Variants in CHODL observed in about 807,000 individuals in gnomAD.
CHODL encodes chondrolectin, also known as transmembrane protein MT75.
A neutral mutation model predicts 34.5 loss-of-function variants in CHODL; 29 were observed. The ratio of observed to expected loss-of-function variants is 0.84; its 90% confidence interval spans 0.63 to 1.15. The LOEUF is 1.15. Ranked by LOEUF, CHODL falls within the 50% of genes most tolerant of loss-of-function variation. The pLI is 0.00. For synonymous variants in CHODL, 125 were observed against 116.1 expected, an observed-to-expected ratio of 1.08 and a Z score of -0.49; for missense variants, 332 against 332.5, an observed-to-expected ratio of 1.00 and a Z score of 0.01.
intron 2 of CHODL, among the ~76,000 whole-genome samples, chr21:18,180,558 G>A (rs908341393): frequency 7.2e-5 from 11 of 152,146 alleles, no homozygotes; most frequent in African/African-American, 2.4e-4. Context: ...ATCTTCTTAC[G>A]GTACATTATT....
intron 2 of CHODL, among the ~76,000 whole-genome samples, chr21:18,174,424 T>C (rs1381183356): frequency 6.6e-6 from 1 of 152,026 alleles, no homozygotes; most frequent in Admixed American, 6.6e-5. Flanking sequence ...ATGAAATTTT[T>C]ATGACATCAA....
chr21:17,937,462 G>C (rs770146700), intron 1 of CHODL, among the ~76,000 whole-genome samples: 2 of 152,232 alleles, frequency 1.3e-5, no homozygotes, highest in Non-Finnish European at 2.9e-5. Context: ...GGCAGAGAAA[G>C]CTCACGTTGA....
intron 2 of CHODL, among the ~76,000 whole-genome samples, chr21:18,052,238 A>G (rs1468870450): frequency 6.6e-6 from 1 of 151,844 alleles, no homozygotes; most frequent in Non-Finnish European, 1.5e-5. Flanking sequence ...ATACATCTGA[A>G]TTTTTTTTAA....
At chr21:18,131,209 T>C (rs2072650762) in intron 2 of CHODL, among the ~76,000 whole-genome samples, 1 of 152,038 alleles carries the variant, frequency 6.6e-6, no homozygotes. Context: ...TATAAGTGCC[T>C]TTATAAGGGA....
chr21:18,005,352 TAAGTGCTATAA>T (rs1332187849), intron 1 of CHODL, among the ~76,000 whole-genome samples: 1 of 152,274 alleles, frequency 6.6e-6, no homozygotes, highest in Non-Finnish European at 1.5e-5. Flanking sequence ...TGGCACATAG[TAAGTGCTATAA>T]AAGTGTTTGC....
chr21:18,044,438 A>AT (rs200299346), intron 2 of CHODL, among the ~76,000 whole-genome samples: 2,005 of 152,000 alleles, frequency 0.013, 38 homozygotes, highest in African/African-American at 0.046. Flanking sequence ...AAAAATCTTT[A>AT]TTTTTTTAAC....
chr21:18,001,056 AG>A (rs1174120514), intron 1 of CHODL, among the ~76,000 whole-genome samples: 1 of 152,224 alleles, frequency 6.6e-6, no homozygotes, highest in Non-Finnish European at 1.5e-5. Context: ...CTCAGAGTCC[AG>A]GATAGGCCAG....
intron 1 of CHODL, among the ~76,000 whole-genome samples, chr21:18,251,618 A>G (rs1193986230): frequency 8.0e-6 from 1 of 125,208 alleles, no homozygotes; most frequent in East Asian, 2.2e-4. Flanking sequence ...TAATATATAA[A>G]ATATTTATTT....
intron 1 of CHODL, among the ~76,000 whole-genome samples, chr21:17,997,461 T>C (rs1350171963): frequency 1.4e-4 from 22 of 152,200 alleles, no homozygotes; most frequent in Admixed American, 1.4e-3. Flanking sequence ...TTGGCAGATA[T>C]TGGAAAATGA....
At chr21:18,229,511 C>T (rs2073960154) in intron 2 of CHODL, among the ~76,000 whole-genome samples, 1 of 149,072 alleles carries the variant, frequency 6.7e-6, no homozygotes, top group East Asian at 1.9e-4. Context: ...AATGTGTAAG[C>T]ATGTTTAAAG....
At chr21:18,079,844 C>CACAATAGCAAAATAATAGAATTTA (rs2064919090) in intron 2 of CHODL, among the ~76,000 whole-genome samples, 1 of 151,734 alleles carries the variant, frequency 6.6e-6, no homozygotes, top group Non-Finnish European at 1.5e-5. Context: ...TTGCTATAAT[C>CACAATAGCAAAATAATAGAATTTA]CTACACAGTA....
intron 1 of CHODL, among the ~76,000 whole-genome samples, chr21:18,015,555 G>T (rs1277893245): frequency 1.3e-5 from 2 of 152,106 alleles, no homozygotes; most frequent in Admixed American, 1.3e-4. Flanking sequence ...CTGAAAATGG[G>T]GAAGTGACCT....
intron 5 of CHODL, among the ~76,000 whole-genome samples, chr21:18,263,405 C>A (rs781294215): frequency 3.9e-5 from 6 of 152,034 alleles, no homozygotes; most frequent in African/African-American, 1.4e-4. Flanking sequence ...TAAAATACAG[C>A]GGTTCAAACA....
rs569158259 is a variant in CHODL at position 18,259,605 on chromosome 21, TTTAA to T, written c.548-592_548-589del. On this transcript the variant is annotated intron_variant, in intron 3 of 5. Transcript: ENST00000299295. Reference sequence around the variant, plus strand: ...CTAGGGAAAGAAACAACTTGCAAGCTTTAATTTAGTGTTATTATTATTATTTTTA... The same window carrying T: ...CTAGGGAAAGAAACAACTTGCAAGCTTTTAGTGTTATTATTATTATTTTTA... Among the ~76,000 whole-genome samples the T allele has an allele frequency of 4.8e-4, 73 of 152,314 alleles. 2 individuals carry two copies. The highest frequency in any genetic ancestry group is 7.1e-4 in the Non-Finnish European group (48 of 68,010).
At chr21:18,062,454 C>T (rs1000162776) in intron 2 of CHODL, among the ~76,000 whole-genome samples, 1 of 117,988 alleles carries the variant, frequency 8.5e-6, no homozygotes, top group Non-Finnish European at 2.0e-5. Context: ...AGTGATCCTC[C>T]CACCCTGGCC....
At position 17,974,419 on chromosome 21, in the gene CHODL, C is replaced by T. The variant is rs372684786; in HGVS notation, c.-144-53453C>T. ...TCCCAAGTAGCTGGGATTACAGGCT[C>T]GTGCCACCACATGCTGCTGATTTTT... On this transcript the variant is annotated intron_variant, in intron 1 of 6. Transcript: ENST00000400127. Among the ~76,000 whole-genome samples the T allele has an allele frequency of 3.3e-5, 5 of 152,036 alleles. No homozygotes were observed. In the East Asian group the frequency reaches 5.8e-4, roughly 18 times the overall value.
intron 1 of CHODL, among the ~76,000 whole-genome samples, chr21:17,930,942 C>T (rs1251606119): frequency 6.6e-6 from 1 of 152,236 alleles, no homozygotes; most frequent in Non-Finnish European, 1.5e-5. Flanking sequence ...CAGGTGTTTT[C>T]CCTGGCTTTC....
chr21:17,947,544 GACACACACACAC>G (rs34768313), intron 1 of CHODL, among the ~76,000 whole-genome samples: 1 of 149,554 alleles, frequency 6.7e-6, no homozygotes, highest in Non-Finnish European at 1.5e-5. Context: ...CACACACACA[GACACACACACAC>G]ACACACACAC....
At position 17,949,806 on chromosome 21, in the gene CHODL, A is replaced by G. The variant is rs185840399; in HGVS notation, c.-145+32406A>G. 1.4e-4 allele frequency among the ~76,000 whole-genome samples: 22 copies of G among 152,270 alleles called. No homozygotes were observed. The East Asian group carries it at 3.9e-3, about 27-fold the overall frequency. Reference sequence around the variant, plus strand: ...GTAAAGGGGGTAAATATGATAGCAAATTGTTTCTTATATCTGAGATCTAGC... The same window carrying G: ...GTAAAGGGGGTAAATATGATAGCAAGTTGTTTCTTATATCTGAGATCTAGC... On this transcript the variant is annotated intron_variant, in intron 1 of 6. Transcript: ENST00000400127.
Sources: allele counts gnomAD v4.1 joint callset (sites outside exome capture counted in the v4.1 genomes callset), GRCh38; gene constraint gnomAD v4.1.1; transcripts MANE v1.5; gene names NCBI Gene and HGNC (gene_info 2026-07-23, HGNC 2026-07-21).